The following CAPN13 variants were observed in gnomAD, a reference collection of about 807,000 sequenced individuals.
CAPN13 encodes the protein calpain-13.
In CAPN13, 90 loss-of-function variants were observed where a neutral mutation model predicts 98.4. The observed-to-expected ratio is 0.92, with a 90% confidence interval of 0.77 to 1.09. The LOEUF (loss-of-function observed/expected upper bound fraction) is 1.09, where lower values mean the gene tolerates loss of function less well. Ranked by LOEUF, CAPN13 falls within the 50% of genes least tolerant of loss-of-function variation. The pLI is 0.00. For missense variants in CAPN13, 887 were observed against 841.3 expected (o/e 1.05, Z -0.67); for synonymous variants, 330 against 305.5 (o/e 1.08, Z -0.84).
At chr2:30,797,743 T>C (rs879482283) in intron 1 of CAPN13, among the ~76,000 whole-genome samples, 4 of 152,070 alleles carry the variant, frequency 2.6e-5, no homozygotes, top group African/African-American at 2.4e-5. Flanking sequence ...GGTTCCAGAG[T>C]TGTGTTCTTT....
chr2:30,781,763 G>A (rs1249846540), intron 2 of CAPN13, among the ~76,000 whole-genome samples: 3 of 152,050 alleles, frequency 2.0e-5, no homozygotes, highest in African/African-American at 4.8e-5. Context: ...ATAAGCATGT[G>A]AGCCAATCCC....
intron 1 of CAPN13, chr2:30,806,125 T>G (rs1441934166): frequency 6.6e-6 from 1 of 152,116 alleles, no homozygotes; most frequent in Admixed American, 6.6e-5. Flanking sequence ...AAGGTGTTCT[T>G]TCAAGAGGGT....
intron 1 of CAPN13, among the ~76,000 whole-genome samples, chr2:30,803,395 G>A (rs1675414029): frequency 6.6e-6 from 1 of 152,174 alleles, no homozygotes; most frequent in Admixed American, 6.5e-5. Flanking sequence ...TCTGAACTGT[G>A]TGGGAGGTGC....
intron 21 of CAPN13, among the ~76,000 whole-genome samples, 186 bp from the exon 22 acceptor site, chr2:30,730,972 A>G (rs1042002890): frequency 6.6e-6 from 1 of 152,140 alleles, no homozygotes; most frequent in African/African-American, 2.4e-5. Context: ...TACTCCCTGA[A>G]TAACCAGGCA....
chr2:30,795,899 C>T (rs1674832887), intron 1 of CAPN13, among the ~76,000 whole-genome samples: 1 of 151,688 alleles, frequency 6.6e-6, no homozygotes. Context: ...ACACATTCTT[C>T]CAAAACACTG....
chr2:30,739,834 A>G (rs1306404972), intron 15 of CAPN13, among the ~76,000 whole-genome samples: 1 of 152,174 alleles, frequency 6.6e-6, no homozygotes, highest in African/African-American at 2.4e-5. Context: ...CTCCTAAAAA[A>G]TTGCATGTTT....
rs1465564269 is a variant in CAPN13, at chr2:30,753,120, T to C, written c.1020A>G (p.Gly340=). ...GGGACCATCCTTCGTGGAGTGTGTT[T>C]CCATGGTCCAGGGTAATTGGAATTT... ...CSEIPITLDH[G]NTLHEGWSQI... Residue 340 remains glycine, a synonymous_variant, in exon 10 of 23, where the codon GGA becomes GGG. Transcript: ENST00000295055. 14 of 1,614,028 alleles carry C rather than the reference T, an allele frequency of 8.7e-6. No individual in the cohort carries two copies. The highest frequency in any genetic ancestry group is 1.2e-5 in the Non-Finnish European group (14 of 1,179,868).
chr2:30,795,561 A>C (rs751930954), intron 1 of CAPN13, among the ~76,000 whole-genome samples: 1 of 152,022 alleles, frequency 6.6e-6, no homozygotes, highest in Non-Finnish European at 1.5e-5. Context: ...CCCTCTCTTG[A>C]GGAATGAATA....
intron 1 of CAPN13, among the ~76,000 whole-genome samples, chr2:30,805,703 C>T (rs1294923378): frequency 6.7e-6 from 1 of 149,110 alleles, no homozygotes; most frequent in Non-Finnish European, 1.5e-5. Context: ...AAGCATCAAG[C>T]ACAATGCTTG....
intron 1 of CAPN13, among the ~76,000 whole-genome samples, chr2:30,803,826 C>T (rs1275015693): frequency 6.6e-6 from 1 of 152,200 alleles, no homozygotes; most frequent in Non-Finnish European, 1.5e-5. Context: ...TGCCTTTCAA[C>T]ATGAGTATCA....
At chr2:30,792,963 T>A (rs926112963) in intron 1 of CAPN13, among the ~76,000 whole-genome samples, 1 of 151,924 alleles carries the variant, frequency 6.6e-6, no homozygotes, top group Non-Finnish European at 1.5e-5. Context: ...TACAAAGACA[T>A]AATTTATGAT....
At chr2:30,732,030 C>G (rs917209509) in intron 20 of CAPN13, among the ~76,000 whole-genome samples, 51 of 152,310 alleles carry the variant, frequency 3.3e-4, no homozygotes, top group African/African-American at 1.2e-3. Flanking sequence ...CTTCGGCCCA[C>G]ACAGTTGGAT....
At chr2:30,736,481 G>C in intron 18 of CAPN13, 22 bp downstream of exon 18, 3 of 1,612,250 alleles carry the variant, frequency 1.9e-6, no homozygotes, top group South Asian at 1.1e-5. Flanking sequence ...GAGAGTGCTA[G>C]TCACAGAGAA....
intron 3 of CAPN13, 52 bp from the exon 4 acceptor site, chr2:30,776,097 TC>T: frequency 4.1e-6 from 5 of 1,215,604 alleles, no homozygotes; most frequent in Admixed American, 2.0e-5. Flanking sequence ...TTGGAAACCC[TC>T]CCCCATAATT....
intron 18 of CAPN13, among the ~76,000 whole-genome samples, chr2:30,735,853 A>C (rs1029126490): frequency 5.3e-5 from 8 of 152,200 alleles, no homozygotes; most frequent in Non-Finnish European, 1.0e-4. Context: ...TACATATTAC[A>C]AGAAAAATTC....
intron 15 of CAPN13, among the ~76,000 whole-genome samples, chr2:30,739,020 T>C (rs1415665449): frequency 6.6e-6 from 1 of 152,096 alleles, no homozygotes; most frequent in Non-Finnish European, 1.5e-5. Context: ...AAGGGAGACA[T>C]CATGGTTTTC....
At chr2:30,758,198 A>G (rs1490502474) in intron 7 of CAPN13, 61 bp from the exon 8 acceptor site, 12 of 1,272,068 alleles carry the variant, frequency 9.4e-6, no homozygotes, top group Non-Finnish European at 1.1e-5. Flanking sequence ...AGAAAGGGGG[A>G]TGAATGCAGC....
At chr2:30,780,644 C>A (rs1673940399) in intron 2 of CAPN13, among the ~76,000 whole-genome samples, 1 of 152,198 alleles carries the variant, frequency 6.6e-6, no homozygotes, top group South Asian at 2.1e-4. Context: ...AATCAATAGT[C>A]AACTTCAAGT....
At chr2:30,761,059 T>A (rs888438373) in intron 7 of CAPN13, among the ~76,000 whole-genome samples, 1 of 152,230 alleles carries the variant, frequency 6.6e-6, no homozygotes, top group Non-Finnish European at 1.5e-5. Context: ...CAGCAGTGCT[T>A]GCACTGTTCA....
Sources: gnomAD v4.1 joint callset for allele counts (sites outside exome capture counted in the v4.1 genomes callset) on GRCh38, gnomAD v4.1.1 for gene constraint, MANE v1.5 for transcripts, NCBI Gene and HGNC (gene_info 2026-07-23, HGNC 2026-07-21) for gene names.